Variants in SEC24C observed in about 807,000 individuals in gnomAD.
SEC24C encodes the protein protein transport protein Sec24C.
Under a neutral mutation model 117.0 loss-of-function variants are expected in SEC24C, and 22 were observed. The observed-to-expected ratio is 0.19, with a 90% confidence interval of 0.13 to 0.27. SEC24C has a LOEUF of 0.27. SEC24C is among the 10% of genes least tolerant of loss of function. The pLI, the probability that SEC24C is intolerant of heterozygous loss-of-function variation, is 1.00. For synonymous variants in SEC24C, 506 were observed against 529.4 expected (o/e 0.96, Z 0.61); for missense variants, 1,155 against 1,375.1 (o/e 0.84, Z 2.53).
At chr10:73,757,874 G>C (rs1165918843) in intron 3 of SEC24C, among the ~76,000 whole-genome samples, 1 of 138,284 alleles carries the variant, frequency 7.2e-6, no homozygotes, top group African/African-American at 2.7e-5. Flanking sequence ...CACAGATAGT[G>C]AGTGCCATTG....
intron 1 of SEC24C, among the ~76,000 whole-genome samples, chr10:73,746,173 A>C (rs1230216795): frequency 4.6e-5 from 7 of 151,706 alleles, no homozygotes; most frequent in Non-Finnish European, 8.8e-5. Context: ...AAAAAAAAAA[A>C]AAAAAAAAAC....
intron 15 of SEC24C, among the ~76,000 whole-genome samples, 169 bp from the exon 16 acceptor site, chr10:73,768,641 G>C (rs1041425149): frequency 2.6e-5 from 4 of 152,162 alleles, no homozygotes; most frequent in Admixed American, 6.5e-5. Context: ...GTGGTACCTG[G>C]CATGCAGTCT....
chr10:73,763,424 C>G (rs1331256926), intron 6 of SEC24C, 66 bp from the exon 7 acceptor site: 3 of 1,118,426 alleles, frequency 2.7e-6, no homozygotes, highest in Admixed American at 1.8e-5. Context: ...CTTTTTCACT[C>G]TTGGCACTCT....
intron 14 of SEC24C, among the ~76,000 whole-genome samples, chr10:73,767,569 G>A (rs954996003): frequency 6.6e-6 from 1 of 152,254 alleles, no homozygotes; most frequent in East Asian, 1.9e-4. Flanking sequence ...TTGGGAGTCT[G>A]AGGCAGGAGA....
At chr10:73,756,431 G>C (rs888390422) in intron 3 of SEC24C, among the ~76,000 whole-genome samples, 3 of 151,978 alleles carry the variant, frequency 2.0e-5, no homozygotes, top group African/African-American at 7.2e-5. Flanking sequence ...GCTGGCTGTG[G>C]ATGGGTGAAA....
Position 73,751,137 on chromosome 10 carries a change from G to T in SEC24C, c.202G>T (p.Ala68Ser), listed in dbSNP as rs1332875617. ...GMSRAPPSSG[A>S]PPASTAQAPC... ...GTCAAGAGCCCCACCTTCCTCGGGG[G>T]CACCTCCAGCCTCAACAGCACAGGC... The change falls in exon 3 of 23, where the codon GCA becomes TCA. Residue 68 changes from alanine to serine, a missense_variant. By Grantham distance (99) the Ala-to-Ser change is moderately conservative. Coordinates refer to ENST00000345254, the MANE Select transcript of SEC24C (RefSeq NM_198597.3). 3 of 1,614,080 alleles carry T rather than the reference G, an allele frequency of 1.9e-6. No individual in the cohort carries two copies. The highest frequency in any genetic ancestry group is 1.7e-6 in the Non-Finnish European group (2 of 1,179,962).
At chr10:73,765,619 A>G (rs753570953) in intron 9 of SEC24C, 30 bp downstream of exon 9, 131 of 1,607,590 alleles carry the variant, frequency 8.1e-5, no homozygotes, top group Non-Finnish European at 1.1e-4. Flanking sequence ...GATTTGGGGG[A>G]AGGTCTTGAT....
chr10:73,745,183 T>C (rs1394278705), intron 1 of SEC24C, among the ~76,000 whole-genome samples: 1 of 152,110 alleles, frequency 6.6e-6, no homozygotes, highest in Non-Finnish European at 1.5e-5. Flanking sequence ...GTCTACAGGA[T>C]AATTGGAATG....
chr10:73,766,057 C>A (rs759536234), intron 10 of SEC24C, 29 bp from the exon 11 acceptor site: 12 of 1,608,028 alleles, frequency 7.5e-6, no homozygotes, highest in Non-Finnish European at 1.0e-5. Flanking sequence ...TACCATTCCC[C>A]CTCTCCCCAA....
At chr10:73,752,333 G>A (rs1363279940) in intron 3 of SEC24C, among the ~76,000 whole-genome samples, 1 of 152,074 alleles carries the variant, frequency 6.6e-6, no homozygotes, top group East Asian at 1.9e-4. Flanking sequence ...GTGTTGCCCA[G>A]GCTGATCTCA....
chr10:73,746,945 C>A lies in SEC24C; in HGVS notation c.113C>A (p.Ala38Asp), dbSNP rs1156828535. ...YGGQSGSTAP[A>D]IPYGAYNGPV... The stretch of plus-strand genomic sequence containing the variant: ...GGGCAATCAGGGTCCACAGCCCCCG[C>A]CATTCCCTATGGAGCCTACAATGGC... Residue 38 changes from alanine to aspartate, a missense_variant, in exon 2 of 23, where the codon GCC becomes GAC. Physicochemically the swap from Ala to Asp is moderately radical, Grantham distance 126. This residue lies in a region of SEC24C where 396 missense variants were observed against 382.8 expected (regional missense o/e 1.03). Coordinates refer to ENST00000345254, the MANE Select transcript of SEC24C (RefSeq NM_198597.3). 6.2e-7 allele frequency: 1 copy of A among 1,614,040 alleles called. No homozygotes were observed. The highest frequency in any genetic ancestry group is 1.3e-5 in the African/African-American group (1 of 74,946).
rs1035330635 is a variant in SEC24C, at chr10:73,744,422, C to T, written c.-44C>T. ...CTTGACGTTAGGAACGAAGTCTAACCTGGATCTGGAGCCGGGTGAGGAGTG... is the reference window on the plus strand; with the variant it reads ...CTTGACGTTAGGAACGAAGTCTAACTTGGATCTGGAGCCGGGTGAGGAGTG... On this transcript the variant is annotated 5_prime_UTR_variant, in exon 1 of 23. Transcript: ENST00000345254. The T allele has an allele frequency of 1.3e-5, 2 of 152,860 alleles. No individual in the cohort carries two copies. Among genetic ancestry groups the T allele is most frequent in the Non-Finnish European group, 2.9e-5 (2 of 68,244 alleles). The allele number at this position is 152,860 out of a possible 1,614,324, so 9.5% of individuals were successfully genotyped here. A position where few individuals can be genotyped will look rare whatever the true frequency, so the allele number is the denominator to read the frequency against.
rs769413353 is a variant in SEC24C, at chr10:73,769,607, C to T, written c.2564-8C>T. On this transcript the variant is annotated splice_region_variant and splice_polypyrimidine_tract_variant and intron_variant, in intron 18 of 22. Coordinates refer to ENST00000345254, the MANE Select transcript of SEC24C (RefSeq NM_198597.3). This position sits in a 1 kb window ranked among gnomAD's most constrained non-coding sequence, Gnocchi z 4.5. ...CTGACCAGTGACTATCTTTGCTTTC[C>T]CATCCAGCATATCGGGGAGTCCTGA... 1.9e-6 allele frequency: 3 copies of T among 1,613,850 alleles called. No homozygotes were observed. Among genetic ancestry groups the T allele is most frequent in the Non-Finnish European group, 2.5e-6 (3 of 1,179,864 alleles).
chr10:73,749,196 G>T (rs1156707193), intron 2 of SEC24C, among the ~76,000 whole-genome samples: 1 of 152,164 alleles, frequency 6.6e-6, no homozygotes, highest in African/African-American at 2.4e-5. Flanking sequence ...GAAGGGTTGT[G>T]GTCCACACCC....
chr10:73,755,473 C>T (rs529531535), intron 3 of SEC24C, among the ~76,000 whole-genome samples: 2 of 151,778 alleles, frequency 1.3e-5, no homozygotes, highest in African/African-American at 2.4e-5. Context: ...GTCAGGAGAT[C>T]GAGACCATCC....
intron 8 of SEC24C, among the ~76,000 whole-genome samples, chr10:73,765,078 A>G (rs2082860367): frequency 6.6e-6 from 1 of 152,168 alleles, no homozygotes; most frequent in Non-Finnish European, 1.5e-5. Context: ...TGGAATCAAG[A>G]TTCTTAGAGC....
intron 14 of SEC24C, among the ~76,000 whole-genome samples, chr10:73,767,432 G>T (rs1217653372): frequency 6.6e-6 from 1 of 152,174 alleles, no homozygotes; most frequent in Non-Finnish European, 1.5e-5. Flanking sequence ...GCTTTGGGAG[G>T]CCAAGGCGGG....
intron 14 of SEC24C, 121 bp from the exon 15 acceptor site, chr10:73,767,716 C>T: frequency 4.1e-6 from 3 of 736,900 alleles, no homozygotes; most frequent in East Asian, 5.9e-5. Flanking sequence ...TTGGAAAATC[C>T]TTGGAAGTAG....
At chr10:73,747,244 A>G (rs949530800) in intron 2 of SEC24C, among the ~76,000 whole-genome samples, 1 of 152,124 alleles carries the variant, frequency 6.6e-6, no homozygotes, top group African/African-American at 2.4e-5. Context: ...TTACAGTGGC[A>G]TGATCTCAAC....
Sources: allele counts gnomAD v4.1 joint callset (sites outside exome capture counted in the v4.1 genomes callset), GRCh38; gene constraint gnomAD v4.1.1; regional missense constraint gnomAD v4.1.1; non-coding constraint Gnocchi (gnomAD v3.1); transcripts MANE v1.5; gene names NCBI Gene and HGNC (gene_info 2026-07-23, HGNC 2026-07-21).